Variants in CELF4 observed in about 807,000 individuals in gnomAD.
CELF4 encodes CUG-BP- and ETR-3-like factor 4.
In CELF4, 18 loss-of-function variants were observed where a neutral mutation model predicts 59.9. That is an observed-to-expected ratio of 0.30 (90% CI 0.21 to 0.45). The LOEUF is 0.45. Ranked by LOEUF, CELF4 falls within the 20% of genes least tolerant of loss-of-function variation. CELF4 has a pLI of 1.00. For missense variants in CELF4, 456 were observed against 689.0 expected (o/e 0.66, Z 3.79); for synonymous variants, 261 against 267.1 (o/e 0.98, Z 0.22).
chr18:37,311,629 A>C (rs2154491009), intron 3 of CELF4, among the ~76,000 whole-genome samples: 1 of 151,880 alleles, frequency 6.6e-6, no homozygotes, highest in East Asian at 1.9e-4. Context: ...CTCTACTAAA[A>C]ATACAAAAAA....
chr18:37,547,961 G>A lies in CELF4; in HGVS notation c.286+17395C>T, dbSNP rs186936369. On this transcript the variant is annotated intron_variant, in intron 1 of 12. Transcript: ENST00000420428. ...TATGAATGTGTTTGTGAATGTGTCT[G>A]CATTTTTGAGTGTGTGTGTGTGCTT... is the stretch of plus-strand genomic sequence containing the variant. Among the ~76,000 whole-genome samples the A allele has an allele frequency of 1.7e-4, 26 of 152,206 alleles. No individual in the cohort carries two copies. The East Asian group carries it at 4.3e-3, about 25-fold the overall frequency.
intron 1 of CELF4, among the ~76,000 whole-genome samples, chr18:37,538,484 C>A (rs950054615): frequency 3.3e-5 from 5 of 152,162 alleles, no homozygotes; most frequent in African/African-American, 1.2e-4. Context: ...GCAGAGGCTC[C>A]TTCCTCCCTT....
chr18:37,439,651 T>C (rs997465193), intron 2 of CELF4, among the ~76,000 whole-genome samples: 1 of 152,086 alleles, frequency 6.6e-6, no homozygotes, highest in Admixed American at 6.5e-5. Flanking sequence ...CACTCTTCTC[T>C]GGGAAGCTCT....
rs184411606 is a variant in CELF4, at chr18:37,563,963, A to C, written c.286+1393T>G. Among the ~76,000 whole-genome samples, 761 of 152,282 alleles carry C rather than the reference A, an allele frequency of 5.0e-3. 9 individuals carry two copies. The highest frequency in any genetic ancestry group is 0.018 in the African/African-American group (733 of 41,546). ...TAGTGAAAATCGCTGCTGCTTAGAG[A>C]GCCAGACAGCTCTGCGCTCTGCACC... On this transcript the variant is annotated intron_variant, in intron 1 of 12. Transcript: ENST00000420428.
chr18:37,565,322 C>A (rs1170326673), intron 1 of CELF4, 34 bp downstream of exon 1: 1 of 1,468,030 alleles, frequency 6.8e-7, no homozygotes, highest in African/African-American at 1.4e-5. Flanking sequence ...CGCTCCTGCT[C>A]CCCGGCAAAG....
intron 2 of CELF4, among the ~76,000 whole-genome samples, chr18:37,450,689 CG>C (rs1422259045): frequency 2.6e-5 from 4 of 152,062 alleles, no homozygotes; most frequent in Admixed American, 2.0e-4. Flanking sequence ...GCTGACCCTA[CG>C]GGGCACCCGC....
At chr18:37,273,932 C>T (rs985359722) in intron 6 of CELF4, 4 of 1,063,450 alleles carry the variant, frequency 3.8e-6, no homozygotes, top group Non-Finnish European at 4.5e-6. Flanking sequence ...CTGAAGTCAC[C>T]GTTCCATGGA....
intron 2 of CELF4, among the ~76,000 whole-genome samples, chr18:37,385,345 A>C (rs1211799788): frequency 9.0e-6 from 1 of 110,980 alleles, no homozygotes; most frequent in Non-Finnish European, 1.7e-5. Flanking sequence ...ACAGTGCAAG[A>C]CTCCATCTCA....
chr18:37,374,988 G>A (rs553638582), intron 2 of CELF4, among the ~76,000 whole-genome samples: 3 of 152,306 alleles, frequency 2.0e-5, no homozygotes, highest in Non-Finnish European at 4.4e-5. Context: ...TCTGTGTCGT[G>A]CGGTCTGCCT....
chr18:37,557,181 C>G (rs538098474), intron 1 of CELF4, among the ~76,000 whole-genome samples: 1 of 152,276 alleles, frequency 6.6e-6, no homozygotes, highest in South Asian at 2.1e-4. Context: ...GTATTGATCC[C>G]ACAATATTTA....
chr18:37,507,886 CA>C (rs1242577795), intron 1 of CELF4, among the ~76,000 whole-genome samples: 1 of 152,188 alleles, frequency 6.6e-6, no homozygotes, highest in Non-Finnish European at 1.5e-5. Context: ...TGGGTTCTGC[CA>C]CGCTGGTGAT....
chr18:37,563,608 G>C (rs936212472), intron 1 of CELF4, among the ~76,000 whole-genome samples: 3 of 151,870 alleles, frequency 2.0e-5, no homozygotes, highest in Admixed American at 6.6e-5. Context: ...TTTTTTCTTC[G>C]AATATTATTT....
rs542560473 is a variant in CELF4, at chr18:37,453,888, T to C, written c.369+31637A>G. Among the ~76,000 whole-genome samples, 6 of 152,292 alleles carry C rather than the reference T, an allele frequency of 3.9e-5. No individual in the cohort carries two copies. In the South Asian group the frequency reaches 1.2e-3, roughly 32 times the overall value. Reference sequence around the variant, plus strand: ...AAGCTTATTTTTCCAGCAGGACTCATGAACTCCCCACAGGCAGCAGCTGGT... The same window carrying C: ...AAGCTTATTTTTCCAGCAGGACTCACGAACTCCCCACAGGCAGCAGCTGGT... On this transcript the variant is annotated intron_variant, in intron 2 of 12. Coordinates refer to ENST00000420428, the MANE Select transcript of CELF4 (RefSeq NM_020180.4).
chr18:37,552,228 C>T (rs1005736932), intron 1 of CELF4, among the ~76,000 whole-genome samples: 11 of 152,222 alleles, frequency 7.2e-5, no homozygotes, highest in East Asian at 1.9e-4. Context: ...GCAGTGAAAG[C>T]GGGTCCCCCA....
chr18:37,433,586 T>A (rs547658982), intron 2 of CELF4, among the ~76,000 whole-genome samples: 2 of 152,216 alleles, frequency 1.3e-5, no homozygotes, highest in Admixed American at 1.3e-4. Context: ...TTGGGAGTTA[T>A]CTCAAAGTGC....
intron 2 of CELF4, among the ~76,000 whole-genome samples, chr18:37,390,390 T>A (rs2099146516): frequency 6.6e-6 from 1 of 152,114 alleles, no homozygotes; most frequent in East Asian, 1.9e-4. Flanking sequence ...TGGCTGGGAT[T>A]TCCTAGTAGT....
intron 3 of CELF4, among the ~76,000 whole-genome samples, chr18:37,293,015 G>C (rs1003434327): frequency 1.3e-5 from 2 of 152,310 alleles, no homozygotes; most frequent in African/African-American, 4.8e-5. Flanking sequence ...GATGGCAGTG[G>C]TTCAGGTGGA....
chr18:37,410,723 G>T lies in CELF4; in HGVS notation c.369+74802C>A, dbSNP rs547482263. Reference sequence around the variant, plus strand: ...TGCATGTATGACCAAGTGACTTAGGGTGCGTGAGTCAGCCTGCACACCCCC... The same window carrying T: ...TGCATGTATGACCAAGTGACTTAGGTTGCGTGAGTCAGCCTGCACACCCCC... On this transcript the variant is annotated intron_variant, in intron 2 of 12. Transcript: ENST00000420428. Among the ~76,000 whole-genome samples the T allele has an allele frequency of 2.6e-5, 4 of 152,338 alleles. No individual in the cohort carries two copies. The East Asian group carries it at 7.7e-4, about 29-fold the overall frequency.
intron 1 of CELF4, among the ~76,000 whole-genome samples, chr18:37,501,627 G>A (rs1420629996): frequency 3.9e-5 from 6 of 152,258 alleles, no homozygotes; most frequent in East Asian, 1.9e-4. Flanking sequence ...GCTTCAGACT[G>A]TAGAGGCCTG....
Sources: allele counts gnomAD v4.1 joint callset (sites outside exome capture counted in the v4.1 genomes callset), GRCh38; gene constraint gnomAD v4.1.1; transcripts MANE v1.5; gene names NCBI Gene and HGNC (gene_info 2026-07-23, HGNC 2026-07-21).